CD74: variants seen among roughly 807,000 people sequenced by gnomAD.
CD74 encodes CD74 molecule, also known as HLA class II histocompatibility antigen gamma chain.
A neutral mutation model predicts 37.1 loss-of-function variants in CD74; 20 were observed. The ratio of observed to expected loss-of-function variants is 0.54; its 90% CI spans 0.38 to 0.78. CD74 has a LOEUF of 0.78. Among genes scored for constraint, CD74 ranks in the 30% least tolerant of loss-of-function variants. The probability of loss-of-function intolerance (pLI) is 0.00; values close to 1 mark genes in which losing one functional copy is unlikely to be tolerated. For synonymous variants in CD74, 150 were observed against 152.0 expected (o/e 0.99, Z 0.10); for missense variants, 338 against 389.5 (o/e 0.87, Z 1.11).
At position 150,412,876 on chromosome 5, in the gene CD74, C is replaced by A; in HGVS notation, c.-127G>T. The A allele has an allele frequency of 6.5e-7, 1 of 1,532,722 alleles. No individual in the cohort carries two copies. Among genetic ancestry groups the A allele is most frequent in the Non-Finnish European group, 8.7e-7 (1 of 1,143,146 alleles). 94.9% of individuals were successfully genotyped at this position (1,532,722 alleles called of 1,614,324 possible). A position where few individuals can be genotyped will look rare whatever the true frequency, so the allele number is the denominator to read the frequency against. ...GAAAGCTACAAAGGCTGGAAATACC[C>A]CACTTTGGTGAAGCTGCCTTTTGCG... On this transcript the variant is annotated 5_prime_UTR_variant, in exon 1 of 9. Coordinates refer to ENST00000009530, the MANE Select transcript of CD74 (RefSeq NM_001025159.3).
Position 150,407,024 on chromosome 5 carries a change from G to C in CD74, c.299-64C>G. The C allele has an allele frequency of 1.3e-6, 2 of 1,533,076 alleles. No individual in the cohort carries two copies. Among genetic ancestry groups the C allele is most frequent in the South Asian group, 2.3e-5 (2 of 86,588 alleles). The allele number at this position is 1,533,076 out of a possible 1,614,324, so 95.0% of individuals were successfully genotyped here. A position where few individuals can be genotyped will look rare whatever the true frequency, so the allele number is the denominator to read the frequency against. ...CCCAGGGAGGAGGGTATCAGACCCA[G>C]ATGAGGAAGGGCTGGAATTCCAAAC... On this transcript the variant is annotated intron_variant, in intron 2 of 8. Transcript: ENST00000009530. The surrounding 1 kb of genome is among the most constrained non-coding windows in gnomAD (Gnocchi z 4.4).
rs749943101 is a variant in CD74, at chr5:150,402,247, G to A, written c.884C>T (p.Pro295Leu). The change falls in exon 9 of 9, where the codon CCC becomes CTC. Residue 295 changes from proline to leucine, a missense_variant. By Grantham distance (98) the Pro-to-Leu change is moderately conservative (BLOSUM62 -3). Transcript: ENST00000009530. The surrounding 1 kb of genome is among the most constrained non-coding windows in gnomAD (Gnocchi z 4.2). ...GVTKQDLGPV[P>L]M ...AGACCGCCTCTGCTGCTCTCACATG[G>A]GGACTGGAGAGAGAAGCAGCAGGTT... 1.3e-6 allele frequency: 2 copies of A among 1,598,840 alleles called. No individual in the cohort carries two copies. The highest frequency in any genetic ancestry group is 1.7e-6 in the Non-Finnish European group (2 of 1,171,326).
rs1770416982 is a variant in CD74 at position 150,412,660 on chromosome 5, C to T, written c.90G>A (p.Leu30=). ...QRDLISNNEQ[L]PMLGRRPGAP... is the part of the protein sequence containing the mutation. ...CCCCAGGGCGCCGGCCCAGCATGGGCAGTTGCTCATTGTTGGAGATAAGGT... is the reference window on the plus strand; with the variant it reads ...CCCCAGGGCGCCGGCCCAGCATGGGTAGTTGCTCATTGTTGGAGATAAGGT... Residue 30 remains leucine (L), a synonymous_variant, in exon 1 of 9, where the codon CTG becomes CTA. Coordinates refer to ENST00000009530, the MANE Select transcript of CD74 (RefSeq NM_001025159.3). 6.2e-7 allele frequency: 1 copy of T among 1,613,930 alleles called. No homozygotes were observed. Among genetic ancestry groups the T allele is most frequent in the African/African-American group, 1.3e-5 (1 of 75,044 alleles).
chr5:150,405,019 CCTCT>C, intron 5 of CD74, 62 bp downstream of exon 5: 4 of 1,415,678 alleles, frequency 2.8e-6, no homozygotes, highest in Non-Finnish European at 4.0e-6. Flanking sequence ...CCTCACCCCA[CCTCT>C]CCTAGCCCTG....
Position 150,406,867 on chromosome 5 carries a change from G to A in CD74, c.378+14C>T, listed in dbSNP as rs1227840422. On this transcript the variant is annotated intron_variant, in intron 3 of 8. Coordinates refer to ENST00000009530, the MANE Select transcript of CD74 (RefSeq NM_001025159.3). ...ATAACCTTGCCCCTCCCACCACCCT[G>A]GGGCTGTCCTTACCCCCTGGGGCAG... is the stretch of plus-strand genomic sequence containing the variant. 2.7e-6 allele frequency: 4 copies of A among 1,475,262 alleles called. No individual in the cohort carries two copies. Among genetic ancestry groups the A allele is most frequent in the East Asian group, 2.3e-5 (1 of 42,578 alleles). The allele number at this position is 1,475,262 out of a possible 1,614,324, so 91.4% of individuals were successfully genotyped here.
In CD74 at chr5:150,402,368, C is replaced by T. The variant is rs73270867; in HGVS notation, c.881-118G>A. 1.8e-3 allele frequency: 1,598 copies of T among 897,246 alleles called. 21 individuals are homozygous for T. The African/African-American group carries it at 0.02, about 11-fold the overall frequency. 55.6% of individuals were successfully genotyped at this position (897,246 alleles called of 1,614,324 possible). ...TGTCCACCCTCCCCTGCCCCCTGCT[C>T]AGGTCCAATAATGACCATCATGGAT... is the stretch of plus-strand genomic sequence containing the variant. On this transcript the variant is annotated intron_variant, in intron 8 of 8. Transcript: ENST00000009530. This position sits in a 1 kb window ranked among gnomAD's most constrained non-coding sequence, Gnocchi z 4.2.
chr5:150,404,483 G>C (rs1247263777), intron 6 of CD74, 197 bp downstream of exon 6: 1 of 572,576 alleles, frequency 1.7e-6, no homozygotes. Flanking sequence ...GATGGGGGTG[G>C]GTCAGGGGAG....
In CD74 at chr5:150,407,371, G is replaced by A. The variant is rs1242475805; in HGVS notation, c.126-47C>T. ...GGTCAGAGGAGGATCCACAGTGGTG[G>A]CTGCCCCAAGGGCTGGCTAGGAATG... On this transcript the variant is annotated intron_variant, in intron 1 of 8. Coordinates refer to ENST00000009530, the MANE Select transcript of CD74 (RefSeq NM_001025159.3). The surrounding 1 kb of genome is among the most constrained non-coding windows in gnomAD (Gnocchi z 4.4). The A allele has an allele frequency of 1.3e-6, 2 of 1,521,616 alleles. No homozygotes were observed. The highest frequency in any genetic ancestry group is 2.1e-4 in the Middle Eastern group (1 of 4,660). The allele number at this position is 1,521,616 out of a possible 1,614,324, so 94.3% of individuals were successfully genotyped here.
chr5:150,402,211 C>A lies in CD74; in HGVS notation c.*29G>T, dbSNP rs2151165485. On this transcript the variant is annotated 3_prime_UTR_variant, in exon 9 of 9. Coordinates refer to ENST00000009530, the MANE Select transcript of CD74 (RefSeq NM_001025159.3). The surrounding 1 kb of genome is among the most constrained non-coding windows in gnomAD (Gnocchi z 4.2). ...GAAAGCTGTAGCTGTGTGGGGCTGG[C>A]AGGATGTTGAAGACCGCCTCTGCTG... 6.3e-7 allele frequency: 1 copy of A among 1,597,740 alleles called. No homozygotes were observed. Among genetic ancestry groups the A allele is most frequent in the Non-Finnish European group, 8.5e-7 (1 of 1,172,268 alleles).
chr5:150,404,840 G>A (rs1769858630), intron 5 of CD74, 73 bp from the exon 6 acceptor site: 2 of 1,130,670 alleles, frequency 1.8e-6, no homozygotes, highest in Non-Finnish European at 1.3e-6. Flanking sequence ...CTTTGCCCCT[G>A]GGGACAGAAA....
chr5:150,411,749 T>TCCCTCCTTTCTTGCCTGC lies in CD74; in HGVS notation c.125+858_125+875dup, dbSNP rs1770353445. Among the ~76,000 whole-genome samples the TCCCTCCTTTCTTGCCTGC allele has an allele frequency of 2.0e-5, 3 of 152,170 alleles. No individual in the cohort carries two copies. The South Asian group carries it at 6.2e-4, about 32-fold the overall frequency. On this transcript the variant is annotated intron_variant, in intron 1 of 8. Transcript: ENST00000009530. Reference sequence around the variant, plus strand: ...CCTCCAGAAATTTAACCAGAGCCTGTCCCTCCTTTCTTGCCTGCCCCCAAC... The same window carrying TCCCTCCTTTCTTGCCTGC: ...CCTCCAGAAATTTAACCAGAGCCTGTCCCTCCTTTCTTGCCTGCCCCTCCTTTCTTGCCTGCCCCCAAC...
intron 6 of CD74, among the ~76,000 whole-genome samples, chr5:150,404,218 T>C (rs181436128): frequency 7.7e-4 from 117 of 152,312 alleles, no homozygotes; most frequent in Admixed American, 2.2e-3. Context: ...ACTCTGTCTT[T>C]GGGTCTAAAA....
At chr5:150,405,037 T>G (rs1296444055) in intron 5 of CD74, 48 bp downstream of exon 5, 3 of 1,073,804 alleles carry the variant, frequency 2.8e-6, no homozygotes, top group Non-Finnish European at 4.1e-6. Flanking sequence ...AGCCCTGCCC[T>G]AGACACCAGA....
At position 150,403,058 on chromosome 5, in the gene CD74, C is replaced by T; in HGVS notation, c.817+63G>A. The T allele has an allele frequency of 1.4e-6, 2 of 1,441,222 alleles. No homozygotes were observed. Among genetic ancestry groups the T allele is most frequent in the East Asian group, 2.5e-5 (1 of 40,766 alleles). The allele number at this position is 1,441,222 out of a possible 1,614,324, so 89.3% of individuals were successfully genotyped here. A position where few individuals can be genotyped will look rare whatever the true frequency, so the allele number is the denominator to read the frequency against. ...GTCCCATGTGCTTCAGAGGGGACCT[C>T]TTGCCCCTCAACCTTCCTAGTCCTT... On this transcript the variant is annotated intron_variant, in intron 7 of 8. Coordinates refer to ENST00000009530, the MANE Select transcript of CD74 (RefSeq NM_001025159.3). The surrounding 1 kb of genome is among the most constrained non-coding windows in gnomAD (Gnocchi z 4.5).
rs563447642 is a variant in CD74 at position 150,404,649 on chromosome 5, C to T, written c.625+31G>A. On this transcript the variant is annotated intron_variant, in intron 6 of 8. Transcript: ENST00000009530. ...AGGAGAGCCCCGAGGGTCCAGAAGCCCTGGCACGCTAAAGCTCCCACTCCC... is the reference window on the plus strand; with the variant it reads ...AGGAGAGCCCCGAGGGTCCAGAAGCTCTGGCACGCTAAAGCTCCCACTCCC... 29 of 1,452,362 alleles carry T rather than the reference C, an allele frequency of 2.0e-5. No individual in the cohort carries two copies. In the African/African-American group the frequency reaches 3.9e-4, roughly 20 times the overall value. 90.0% of individuals were successfully genotyped at this position (1,452,362 alleles called of 1,614,324 possible).
intron 6 of CD74, 61 bp downstream of exon 6, chr5:150,404,619 G>T: frequency 9.5e-7 from 1 of 1,054,444 alleles, no homozygotes; most frequent in Non-Finnish European, 1.4e-6. Flanking sequence ...GGCCTCAGCA[G>T]CTTCAGGAGA....
At chr5:150,408,157 A>G (rs1398772170) in intron 1 of CD74, among the ~76,000 whole-genome samples, 2 of 151,814 alleles carry the variant, frequency 1.3e-5, no homozygotes, top group Admixed American at 6.6e-5. Context: ...GAGGGTTTTC[A>G]CCCCTCTGCC....
chr5:150,408,337 C>T (rs2151182338), intron 1 of CD74, among the ~76,000 whole-genome samples: 1 of 152,300 alleles, frequency 6.6e-6, no homozygotes, highest in South Asian at 2.1e-4. Context: ...AGGCACCACC[C>T]ACTCTGGGGC....
rs371785500 is a variant in CD74, at chr5:150,406,985, G to A, written c.299-25C>T. 3 of 1,568,878 alleles carry A rather than the reference G, an allele frequency of 1.9e-6. No individual in the cohort carries two copies. In the African/African-American group the frequency reaches 4.1e-5, roughly 22 times the overall value. On this transcript the variant is annotated intron_variant, in intron 2 of 8. Transcript: ENST00000009530. ...GCTGTGGGGACAGGAACGAGGGTAA[G>A]TGTGGCCCCGGTGCCCAGGGAGGAG...
Sources: allele counts gnomAD v4.1 joint callset (sites outside exome capture counted in the v4.1 genomes callset), GRCh38; gene constraint gnomAD v4.1.1; non-coding constraint Gnocchi (gnomAD v3.1); transcripts MANE v1.5; gene names NCBI Gene and HGNC (gene_info 2026-07-23, HGNC 2026-07-21).